ADGRB3: variants seen among roughly 807,000 people sequenced by gnomAD.
ADGRB3 encodes brain-specific angiogenesis inhibitor 3.
ADGRB3 carries 37 observed loss-of-function variants against 193.4 expected under a neutral mutation model. The ratio of observed to expected loss-of-function variants is 0.19; its 90% CI spans 0.15 to 0.25. The LOEUF (loss-of-function observed/expected upper bound fraction) is 0.25. Among genes scored for constraint, ADGRB3 ranks in the 10% least tolerant of loss-of-function variants. ADGRB3 has a pLI of 1.00. For synonymous variants in ADGRB3, 690 were observed against 644.2 expected (o/e 1.07, Z -1.08); for missense variants, 1,637 against 1,852.9 (o/e 0.88, Z 2.14).
At chr6:69,204,775 T>G (rs1254586138) in intron 17 of ADGRB3, among the ~76,000 whole-genome samples, 2 of 152,166 alleles carry the variant, frequency 1.3e-5, no homozygotes, top group African/African-American at 4.8e-5. Flanking sequence ...TAGCAAGTCT[T>G]TTAATCTCTC....
At chr6:69,315,581 G>GTAA (rs1299883308) in intron 20 of ADGRB3, among the ~76,000 whole-genome samples, 1 of 151,346 alleles carries the variant, frequency 6.6e-6, no homozygotes, top group Non-Finnish European at 1.5e-5. Context: ...TAAATATGCA[G>GTAA]TTATTAGTGC....
intron 20 of ADGRB3, among the ~76,000 whole-genome samples, chr6:69,265,809 T>C (rs1767028096): frequency 6.6e-6 from 1 of 152,010 alleles, no homozygotes; most frequent in African/African-American, 2.4e-5. Flanking sequence ...CCCAGATCTG[T>C]GATGGACTGA....
At chr6:69,173,051 GTT>G (rs1775327716) in intron 17 of ADGRB3, among the ~76,000 whole-genome samples, 2 of 148,216 alleles carry the variant, frequency 1.3e-5, no homozygotes, top group African/African-American at 5.0e-5. Flanking sequence ...TTTTGTTTTT[GTT>G]TTGAGACGAA....
chr6:69,182,954 GT>G (rs1194578632), intron 17 of ADGRB3, among the ~76,000 whole-genome samples: 3 of 151,972 alleles, frequency 2.0e-5, no homozygotes, highest in Non-Finnish European at 4.4e-5. Flanking sequence ...TGTCAATCTT[GT>G]TTTTTTAACC....
At chr6:68,868,942 A>C (rs72902963) in intron 3 of ADGRB3, among the ~76,000 whole-genome samples, 6 of 122,028 alleles carry the variant, frequency 4.9e-5, no homozygotes, top group Non-Finnish European at 1.1e-4. Context: ...TGTGTGTGTG[A>C]GTGTGTGTGT....
At chr6:69,121,776 A>G (rs1386362193) in intron 17 of ADGRB3, among the ~76,000 whole-genome samples, 1 of 140,530 alleles carries the variant, frequency 7.1e-6, no homozygotes, top group East Asian at 2.2e-4. Flanking sequence ...ACCTCCCAAG[A>G]CGGGGTGGCG....
intron 3 of ADGRB3, among the ~76,000 whole-genome samples, chr6:68,843,661 GA>G (rs34433960): frequency 0.33 from 48,809 of 149,600 alleles, 8,389 homozygotes; most frequent in East Asian, 0.59. Context: ...CATAGAAATA[GA>G]AAAAAAAAAT....
At chr6:69,031,519 C>A (rs940721248) in intron 13 of ADGRB3, among the ~76,000 whole-genome samples, 1 of 21,270 alleles carries the variant, frequency 4.7e-5, no homozygotes, top group Non-Finnish European at 1.1e-4. Context: ...TTTGAGTTGT[C>A]TCTTTCTTTC....
At chr6:69,049,680 T>G (rs1554253687) in intron 15 of ADGRB3, among the ~76,000 whole-genome samples, 1 of 152,118 alleles carries the variant, frequency 6.6e-6, no homozygotes, top group Non-Finnish European at 1.5e-5. Flanking sequence ...TCTTCTCCCT[T>G]TAGTTGTACT....
intron 17 of ADGRB3, among the ~76,000 whole-genome samples, chr6:69,129,413 G>C (rs909465802): frequency 4.6e-5 from 7 of 152,004 alleles, no homozygotes; most frequent in Non-Finnish European, 1.0e-4. Context: ...TAGGAATTAA[G>C]ATGAAGAACA....
At chr6:68,984,933 T>C (rs1220591586) in intron 10 of ADGRB3, among the ~76,000 whole-genome samples, 1 of 151,958 alleles carries the variant, frequency 6.6e-6, no homozygotes, top group Non-Finnish European at 1.5e-5. Flanking sequence ...TGAGGCAGGA[T>C]CATTAGCTAA....
In ADGRB3 at chr6:68,639,082, C is replaced by G. The variant is rs760859094; in HGVS notation, c.407C>G (p.Thr136Ser). The change falls in exon 3 of 32, where the codon ACT (threonine) becomes AGT (serine). Residue 136 changes from threonine to serine, a missense_variant. Transcript: ENST00000370598. Reference protein sequence around the residue: ...NFIQIRRVFPTNFPGLQKKGE... With the variant: ...NFIQIRRVFPSNFPGLQKKGE... ...ATTCAAATACGTCGAGTATTTCCAACTAATTTCCCAGGATTACAGAAAAAA... is the reference window on the plus strand; with the variant it reads ...ATTCAAATACGTCGAGTATTTCCAAGTAATTTCCCAGGATTACAGAAAAAA... The G allele has an allele frequency of 3.1e-6, 5 of 1,614,018 alleles. No homozygotes were observed. In the East Asian group the frequency reaches 1.1e-4, roughly 36 times the overall value.
intron 3 of ADGRB3, among the ~76,000 whole-genome samples, chr6:68,723,195 A>G (rs571790368): frequency 6.6e-6 from 1 of 151,894 alleles, no homozygotes; most frequent in South Asian, 2.1e-4. Flanking sequence ...CTTGTAAAAG[A>G]TAATGTGCCA....
chr6:68,787,693 CT>C (rs1277746382), intron 3 of ADGRB3, among the ~76,000 whole-genome samples: 2 of 152,174 alleles, frequency 1.3e-5, no homozygotes, highest in Admixed American at 6.5e-5. Context: ...AGGATTCCCT[CT>C]TTTTCTATTG....
At chr6:68,762,448 A>G (rs955501851) in intron 3 of ADGRB3, among the ~76,000 whole-genome samples, 2 of 152,156 alleles carry the variant, frequency 1.3e-5, no homozygotes, top group African/African-American at 4.8e-5. Flanking sequence ...CAGATAAAGC[A>G]TCAAAATAAG....
At chr6:68,973,973 A>G (rs1768662611) in intron 8 of ADGRB3, among the ~76,000 whole-genome samples, 1 of 152,204 alleles carries the variant, frequency 6.6e-6, no homozygotes, top group Non-Finnish European at 1.5e-5. Flanking sequence ...ATTAAATTGA[A>G]ATTTTGAATA....
At chr6:69,060,194 C>T (rs1771690355) in intron 15 of ADGRB3, among the ~76,000 whole-genome samples, 1 of 148,970 alleles carries the variant, frequency 6.7e-6, no homozygotes, top group Admixed American at 6.8e-5. Context: ...CTTTCTCTCT[C>T]TCTCTTTCTC....
chr6:68,777,950 CT>C (rs752989345), intron 3 of ADGRB3, among the ~76,000 whole-genome samples: 2 of 151,948 alleles, frequency 1.3e-5, no homozygotes, highest in Non-Finnish European at 2.9e-5. Context: ...ATCTAGTAAG[CT>C]AGAACATCCT....
intron 13 of ADGRB3, among the ~76,000 whole-genome samples, chr6:69,032,489 T>A (rs1027856719): frequency 1.3e-5 from 2 of 152,244 alleles, no homozygotes; most frequent in African/African-American, 2.4e-5. Flanking sequence ...TCTATGGCAA[T>A]AATTGCTCAT....
Sources: gnomAD v4.1 joint callset for allele counts (sites outside exome capture counted in the v4.1 genomes callset) on GRCh38, gnomAD v4.1.1 for gene constraint, MANE v1.5 for transcripts, NCBI Gene and HGNC (gene_info 2026-07-23, HGNC 2026-07-21) for gene names.